The following UTRN variants were observed in gnomAD, a reference collection of about 807,000 sequenced individuals.
UTRN encodes dystrophin-related protein 1.
UTRN carries 283 observed loss-of-function variants against 463.9 expected under a neutral mutation model. The ratio of observed to expected loss-of-function variants is 0.61; its 90% CI spans 0.55 to 0.67. The LOEUF is 0.67. Among genes scored for constraint, UTRN ranks in the 30% least tolerant of loss-of-function variants. The probability of loss-of-function intolerance (pLI) is 0.00; values close to 1 mark genes in which losing one functional copy is unlikely to be tolerated. For synonymous variants in UTRN, 1,442 were observed against 1,431.5 expected, an observed-to-expected ratio of 1.01 and a Z score of -0.17; for missense variants, 3,922 against 4,084.3, an observed-to-expected ratio of 0.96 and a Z score of 1.08.
intron 57 of UTRN, among the ~76,000 whole-genome samples, chr6:144,757,024 A>G (rs1418080661): frequency 6.6e-6 from 1 of 152,062 alleles, no homozygotes; most frequent in African/African-American, 2.4e-5. Context: ...ATTGAGAAAA[A>G]AAGTATTGGT....
chr6:144,515,789 G>A (rs1795562693), intron 37 of UTRN, among the ~76,000 whole-genome samples: 1 of 152,152 alleles, frequency 6.6e-6, no homozygotes, highest in Non-Finnish European at 1.5e-5. Flanking sequence ...CTTCTTTGAC[G>A]TTTGTGTATG....
At chr6:144,645,972 A>G (rs1050444737) in intron 51 of UTRN, among the ~76,000 whole-genome samples, 1 of 152,138 alleles carries the variant, frequency 6.6e-6, no homozygotes, top group African/African-American at 2.4e-5. Flanking sequence ...CTAGGGGTTC[A>G]TTTCTCTTAT....
intron 51 of UTRN, among the ~76,000 whole-genome samples, chr6:144,623,336 T>G (rs551080593): frequency 1.3e-5 from 2 of 152,376 alleles, no homozygotes; most frequent in South Asian, 4.1e-4. Flanking sequence ...AACTTAGATA[T>G]AAAATACACC....
At chr6:144,629,007 G>A (rs1302877461) in intron 51 of UTRN, among the ~76,000 whole-genome samples, 1 of 152,138 alleles carries the variant, frequency 6.6e-6, no homozygotes, top group Non-Finnish European at 1.5e-5. Flanking sequence ...ATTACCCTGT[G>A]TATGGAAAAT....
At chr6:144,843,208 A>G (rs1252047553) in intron 73 of UTRN, among the ~76,000 whole-genome samples, 3 of 152,136 alleles carry the variant, frequency 2.0e-5, no homozygotes, top group East Asian at 1.9e-4. Context: ...TTTAAATATC[A>G]TGGACATTTT....
chr6:144,560,009 T>C (rs1799723066), intron 50 of UTRN, among the ~76,000 whole-genome samples: 1 of 152,098 alleles, frequency 6.6e-6, no homozygotes, highest in Non-Finnish European at 1.5e-5. Flanking sequence ...ATTTGGGGCT[T>C]TGTTTTGTGC....
chr6:144,838,485 G>T (rs1177189656), intron 71 of UTRN, among the ~76,000 whole-genome samples: 1 of 152,160 alleles, frequency 6.6e-6, no homozygotes, highest in Non-Finnish European at 1.5e-5. Context: ...CCTATATGAT[G>T]GCTCACACTT....
At chr6:144,503,582 G>A (rs1174012702) in intron 34 of UTRN, among the ~76,000 whole-genome samples, 2 of 152,062 alleles carry the variant, frequency 1.3e-5, no homozygotes, top group Non-Finnish European at 2.9e-5. Context: ...TTATTTCTGA[G>A]GCCTCTGTTC....
At chr6:144,764,795 A>T (rs952880967) in intron 58 of UTRN, among the ~76,000 whole-genome samples, 42 of 152,234 alleles carry the variant, frequency 2.8e-4, no homozygotes, top group Admixed American at 6.5e-4. Context: ...TCTTTTAAAA[A>T]TACATAAAAG....
At chr6:144,421,796 G>A (rs1256456095) in intron 3 of UTRN, 82 bp from the exon 4 acceptor site, 1 of 980,454 alleles carries the variant, frequency 1.0e-6, no homozygotes, top group Non-Finnish European at 1.4e-6. Context: ...AAAAAATGAA[G>A]CCACTCATTT....
intron 46 of UTRN, 67 bp downstream of exon 46, chr6:144,542,937 C>T (rs1396383583): frequency 7.6e-7 from 1 of 1,322,944 alleles, no homozygotes; most frequent in Non-Finnish European, 1.0e-6. Flanking sequence ...TGATATGAGC[C>T]TCATACATGA....
chr6:144,533,610 G>T (rs1260594890), intron 43 of UTRN, among the ~76,000 whole-genome samples: 1 of 152,020 alleles, frequency 6.6e-6, no homozygotes, highest in Non-Finnish European at 1.5e-5. Context: ...CCTTCCCTTT[G>T]CTTATTTCCT....
chr6:144,422,501 C>T (rs1584722028), intron 4 of UTRN, among the ~76,000 whole-genome samples: 2 of 152,126 alleles, frequency 1.3e-5, no homozygotes, highest in South Asian at 2.1e-4. Flanking sequence ...CCTGTAATCC[C>T]AGGTACTCAG....
At chr6:144,344,452 C>A in intron 2 of UTRN, 1 of 923,874 alleles carries the variant, frequency 1.1e-6, no homozygotes, top group Non-Finnish European at 1.5e-6. Flanking sequence ...TTTCCTGCTG[C>A]CACGTCTGTT....
intron 65 of UTRN, among the ~76,000 whole-genome samples, chr6:144,820,537 A>G (rs1352356873): frequency 6.6e-6 from 1 of 152,130 alleles, no homozygotes; most frequent in Admixed American, 6.6e-5. Flanking sequence ...CAAATTGAAA[A>G]TTTTTTTAGT....
intron 2 of UTRN, among the ~76,000 whole-genome samples, chr6:144,355,201 C>T (rs552860862): frequency 1.2e-4 from 19 of 152,218 alleles, no homozygotes; most frequent in Middle Eastern, 3.4e-3. Context: ...GAAGGATTTT[C>T]GAACATTTTT....
chr6:144,717,579 A>T (rs1312216085), intron 53 of UTRN, among the ~76,000 whole-genome samples: 4 of 137,318 alleles, frequency 2.9e-5, no homozygotes, highest in African/African-American at 1.1e-4. Context: ...TTTTGGCTTT[A>T]TCTTGGAGAA....
chr6:144,627,293 AG>A (rs576160495), intron 51 of UTRN, among the ~76,000 whole-genome samples: 2 of 152,352 alleles, frequency 1.3e-5, no homozygotes, highest in South Asian at 4.1e-4. Flanking sequence ...GCATTGTCAA[AG>A]GGAGTAATAG....
intron 52 of UTRN, among the ~76,000 whole-genome samples, chr6:144,697,226 C>G (rs768475131): frequency 3.3e-5 from 5 of 152,014 alleles, no homozygotes; most frequent in Non-Finnish European, 7.4e-5. Context: ...TGAACTGAAG[C>G]AGCTGAGATG....
Sources: allele counts gnomAD v4.1 joint callset (sites outside exome capture counted in the v4.1 genomes callset), GRCh38; gene constraint gnomAD v4.1.1; transcripts MANE v1.5; gene names NCBI Gene and HGNC (gene_info 2026-07-23, HGNC 2026-07-21).